SHANK2: variants seen among roughly 807,000 people sequenced by gnomAD.
SHANK2 encodes the protein SH3 and multiple ankyrin repeat domains protein 2.
Under a neutral mutation model 133.7 loss-of-function variants are expected in SHANK2, and 43 were observed. The ratio of observed to expected loss-of-function variants is 0.32; its 90% CI spans 0.25 to 0.41. The LOEUF is 0.41. Among genes scored for constraint, SHANK2 ranks in the 10% least tolerant of loss-of-function variants. The probability of loss-of-function intolerance (pLI) is 1.00; values close to 1 mark genes in which losing one functional copy is unlikely to be tolerated. For synonymous variants in SHANK2, 1,017 were observed against 952.8 expected (o/e 1.07, Z -1.24); for missense variants, 1,994 against 2,235.8 (o/e 0.89, Z 2.18).
chr11:70,715,363 A>G (rs1945888378), intron 14 of SHANK2, among the ~76,000 whole-genome samples: 1 of 152,084 alleles, frequency 6.6e-6, no homozygotes, highest in African/African-American at 2.4e-5. Flanking sequence ...AGCTCAGTGG[A>G]TGCCTCCCAC....
At chr11:71,202,143 G>A (rs1362847308) in intron 2 of SHANK2, among the ~76,000 whole-genome samples, 1 of 152,210 alleles carries the variant, frequency 6.6e-6, no homozygotes, top group Non-Finnish European at 1.5e-5. Context: ...GGTGCAAGGT[G>A]CACAAACAAC....
chr11:71,081,214 G>C (rs1951296391), intron 8 of SHANK2, among the ~76,000 whole-genome samples: 1 of 152,172 alleles, frequency 6.6e-6, no homozygotes, highest in African/African-American at 2.4e-5. Flanking sequence ...GAGGACTCAG[G>C]AGGAACCAGC....
chr11:70,775,834 C>T (rs929706787), intron 14 of SHANK2, among the ~76,000 whole-genome samples: 3 of 152,246 alleles, frequency 2.0e-5, no homozygotes, highest in Admixed American at 6.5e-5. Context: ...CAGCACGCGG[C>T]CCCCATAAGC....
At chr11:70,595,180 G>A (rs546829770) in intron 17 of SHANK2, among the ~76,000 whole-genome samples, 98 of 152,126 alleles carry the variant, frequency 6.4e-4, no homozygotes, top group African/African-American at 2.2e-3. Context: ...CCCTCACATC[G>A]GCCACCGGAT....
rs186300677 is a variant in SHANK2, at chr11:70,597,437, G to A, written c.2061+62391C>T. Among the ~76,000 whole-genome samples, 7 of 152,262 alleles carry A rather than the reference G, an allele frequency of 4.6e-5. No individual in the cohort carries two copies. In the East Asian group the frequency reaches 9.7e-4, roughly 21 times the overall value. The stretch of plus-strand genomic sequence containing the variant: ...TCACAGGGAAAGCCCCCTGAGAGGC[G>A]GCCAGTGGAGCTGGCGGCGGTAAGA... On this transcript the variant is annotated intron_variant, in intron 17 of 25. Transcript: ENST00000601538.
chr11:70,680,294 C>T (rs929059875), intron 15 of SHANK2, among the ~76,000 whole-genome samples: 1 of 152,198 alleles, frequency 6.6e-6, no homozygotes, highest in South Asian at 2.1e-4. Context: ...GTAACACAAA[C>T]TTGGCAGCTA....
At chr11:70,658,141 C>G (rs1258264746) in intron 17 of SHANK2, among the ~76,000 whole-genome samples, 1 of 150,366 alleles carries the variant, frequency 6.7e-6, no homozygotes, top group Non-Finnish European at 1.5e-5. Context: ...GCCTGTCACA[C>G]GTGCACACAC....
chr11:70,954,356 C>T (rs1950886845), intron 10 of SHANK2, among the ~76,000 whole-genome samples: 1 of 152,252 alleles, frequency 6.6e-6, no homozygotes, highest in Non-Finnish European at 1.5e-5. Flanking sequence ...CTCAACCACA[C>T]AGTTGCCTCC....
chr11:70,633,279 T>C (rs2061025072), intron 17 of SHANK2, among the ~76,000 whole-genome samples: 1 of 149,090 alleles, frequency 6.7e-6, no homozygotes, highest in South Asian at 2.1e-4. Flanking sequence ...TATTTATATA[T>C]ATATAAATAA....
intron 15 of SHANK2, among the ~76,000 whole-genome samples, chr11:70,672,407 C>T (rs78504492): frequency 0.036 from 5,428 of 152,316 alleles, 342 homozygotes; most frequent in African/African-American, 0.12. Flanking sequence ...TCCACCATGG[C>T]TAAGACCTTT....
chr11:70,673,278 A>G (rs1944849338), intron 15 of SHANK2, among the ~76,000 whole-genome samples: 1 of 148,648 alleles, frequency 6.7e-6, no homozygotes, highest in African/African-American at 2.6e-5. Context: ...TTTGACTCTG[A>G]ACTGAATGTT....
At chr11:70,760,080 C>T (rs534055398) in intron 14 of SHANK2, among the ~76,000 whole-genome samples, 1 of 152,368 alleles carries the variant, frequency 6.6e-6, no homozygotes, top group Non-Finnish European at 1.5e-5. Context: ...CACCTTTTGA[C>T]ATACAGAGCC....
intron 17 of SHANK2, among the ~76,000 whole-genome samples, chr11:70,567,184 T>C (rs558338908): frequency 1.3e-5 from 2 of 152,310 alleles, no homozygotes; most frequent in African/African-American, 2.4e-5. Context: ...ATTGGCTAAA[T>C]TGTGTCCCTC....
chr11:71,191,446 C>T (rs1337669984), intron 2 of SHANK2, among the ~76,000 whole-genome samples: 1 of 152,074 alleles, frequency 6.6e-6, no homozygotes, highest in African/African-American at 2.4e-5. Flanking sequence ...GGCTTGCAGA[C>T]ACCACCTTCT....
chr11:70,671,944 A>G (rs932565005), intron 15 of SHANK2, among the ~76,000 whole-genome samples: 2 of 152,112 alleles, frequency 1.3e-5, no homozygotes, highest in African/African-American at 4.8e-5. Flanking sequence ...GAGTATCTCT[A>G]TTCTGAGCCC....
Position 70,469,759 on chromosome 11 carries a change from T to C in SHANK2, c.*3110A>G, listed in dbSNP as rs2058575458. 1 of 152,804 alleles carries C rather than the reference T, an allele frequency of 6.5e-6. No individual in the cohort carries two copies. The highest frequency in any genetic ancestry group is 1.9e-4 in the East Asian group (1 of 5,192). The allele number at this position is 152,804 out of a possible 1,614,324, so 9.5% of individuals were successfully genotyped here. A position where few individuals can be genotyped will look rare whatever the true frequency, so the allele number is the denominator to read the frequency against. On this transcript the variant is annotated 3_prime_UTR_variant, in exon 26 of 26. Transcript: ENST00000601538. ...ACTGAGAAAAAAATTTACCATTTTA[T>C]TAACTAAAGTATCACAAATAATTCA...
intron 12 of SHANK2, among the ~76,000 whole-genome samples, chr11:70,815,735 G>T (rs555211650): frequency 6.6e-6 from 1 of 152,168 alleles, no homozygotes; most frequent in Non-Finnish European, 1.5e-5. Context: ...GGGGGCCCTG[G>T]GGAGGCTGGG....
intron 1 of SHANK2, among the ~76,000 whole-genome samples, chr11:71,245,575 G>A (rs1954950115): frequency 6.6e-6 from 1 of 152,218 alleles, no homozygotes; most frequent in Non-Finnish European, 1.5e-5. Flanking sequence ...CACCCAGGAG[G>A]CAATCTGGAG....
chr11:70,568,655 G>GCCC (rs1180397421), intron 17 of SHANK2, among the ~76,000 whole-genome samples: 1 of 46,310 alleles, frequency 2.2e-5, no homozygotes, highest in African/African-American at 7.0e-5. Flanking sequence ...TGCCCCCCCC[G>GCCC]CCCACTTCCT....
Sources: allele counts gnomAD v4.1 joint callset (sites outside exome capture counted in the v4.1 genomes callset), GRCh38; gene constraint gnomAD v4.1.1; transcripts MANE v1.5; gene names NCBI Gene and HGNC (gene_info 2026-07-23, HGNC 2026-07-21).